The following HHIP variants were observed in gnomAD, a reference collection of about 807,000 sequenced individuals.
HHIP encodes the protein hedgehog-interacting protein.
Under a neutral mutation model 74.0 loss-of-function variants are expected in HHIP, and 12 were observed. The observed-to-expected ratio is 0.16, with a 90% CI of 0.10 to 0.26. The LOEUF (loss-of-function observed/expected upper bound fraction) is 0.26. Ranked by LOEUF, HHIP falls within the 10% of genes least tolerant of loss-of-function variation. The pLI, the probability that HHIP is intolerant of heterozygous loss-of-function variation, is 1.00. For missense variants in HHIP, 788 were observed against 845.0 expected (o/e 0.93, Z 0.84); for synonymous variants, 309 against 311.6 (o/e 0.99, Z 0.09).
At chr4:144,729,964 C>G (rs540010158) in intron 11 of HHIP, among the ~76,000 whole-genome samples, 2 of 152,260 alleles carry the variant, frequency 1.3e-5, no homozygotes, top group African/African-American at 4.8e-5. Context: ...GGGTAGTCCT[C>G]CTCAGACAGG....
chr4:144,716,880 A>AAAAAAAAG, intron 10 of HHIP, among the ~76,000 whole-genome samples: 1 of 148,642 alleles, frequency 6.7e-6, no homozygotes, highest in Non-Finnish European at 1.5e-5. Context: ...AAAAAAAAAA[A>AAAAAAAAG]AAAAAAAAGT....
intron 2 of HHIP, among the ~76,000 whole-genome samples, chr4:144,654,397 G>A (rs1422754828): frequency 2.4e-4 from 37 of 152,118 alleles, no homozygotes; most frequent in Non-Finnish European, 4.4e-5. Flanking sequence ...AGGCTGCTTT[G>A]AAAGATAACC....
chr4:144,697,051 A>T (rs749232727), intron 4 of HHIP, among the ~76,000 whole-genome samples: 2 of 151,826 alleles, frequency 1.3e-5, no homozygotes, highest in Non-Finnish European at 2.9e-5. Flanking sequence ...ATTTTTTTTA[A>T]ATTTTTTGTT....
At chr4:144,657,156 T>G (rs1728580591) in intron 2 of HHIP, among the ~76,000 whole-genome samples, 1 of 152,142 alleles carries the variant, frequency 6.6e-6, no homozygotes. Context: ...CACTCAAAAG[T>G]TAGGTCAAAA....
chr4:144,706,284 A>G (rs1251543485), intron 4 of HHIP, among the ~76,000 whole-genome samples: 1 of 152,210 alleles, frequency 6.6e-6, no homozygotes, highest in Non-Finnish European at 1.5e-5. Context: ...ATCACTTGAC[A>G]AAAGTGGTGT....
At chr4:144,727,734 T>C (rs1298686139) in intron 11 of HHIP, among the ~76,000 whole-genome samples, 1 of 152,140 alleles carries the variant, frequency 6.6e-6, no homozygotes, top group Non-Finnish European at 1.5e-5. Flanking sequence ...ATATATGCAT[T>C]GAGTTAAGTT....
At chr4:144,702,073 A>G (rs1730002200) in intron 4 of HHIP, among the ~76,000 whole-genome samples, 1 of 152,142 alleles carries the variant, frequency 6.6e-6, no homozygotes, top group Non-Finnish European at 1.5e-5. Flanking sequence ...GGATCACTTG[A>G]GCCCAGAAGT....
intron 2 of HHIP, among the ~76,000 whole-genome samples, chr4:144,656,793 A>T (rs1728569631): frequency 6.6e-6 from 1 of 152,070 alleles, no homozygotes; most frequent in African/African-American, 2.4e-5. Flanking sequence ...TTGATTTAAC[A>T]ATTTAGTTTT....
In HHIP at chr4:144,744,809, G is replaced by C. The variant is rs932115942; in HGVS notation, c.*6852G>C. 2.0e-5 allele frequency: 3 copies of C among 152,120 alleles called. No homozygotes were observed. Among genetic ancestry groups the C allele is most frequent in the African/African-American group, 7.2e-5 (3 of 41,408 alleles). The allele number at this position is 152,120 out of a possible 1,614,324, so 9.4% of individuals were successfully genotyped here. ...ATTGTGGGCCCAATCGGCATCATAAGCATGTCTGAAGCAAAAGACAATAAT... is the reference window on the plus strand; with the variant it reads ...ATTGTGGGCCCAATCGGCATCATAACCATGTCTGAAGCAAAAGACAATAAT... On this transcript the variant is annotated 3_prime_UTR_variant, in exon 13 of 13. Transcript: ENST00000296575.
intron 12 of HHIP, 55 bp downstream of exon 12, chr4:144,734,944 A>G: frequency 6.8e-7 from 1 of 1,476,940 alleles, no homozygotes; most frequent in Non-Finnish European, 9.3e-7. Context: ...ATCCTTAGGT[A>G]CTCAAGAACT....
Position 144,714,366 on chromosome 4 carries a change from A to C in HHIP, c.1547+18A>C. On this transcript the variant is annotated intron_variant, in intron 9 of 12. Transcript: ENST00000296575. ...CGTAATGGGTAGGTTTCCTGATACCACAACAGTATGATATACCAAATGACA... is the reference window on the plus strand; with the variant it reads ...CGTAATGGGTAGGTTTCCTGATACCCCAACAGTATGATATACCAAATGACA... 6.2e-7 allele frequency: 1 copy of C among 1,612,580 alleles called. No individual in the cohort carries two copies. Among genetic ancestry groups the C allele is most frequent in the South Asian group, 1.1e-5 (1 of 91,008 alleles).
intron 4 of HHIP, among the ~76,000 whole-genome samples, chr4:144,686,873 A>G (rs1381521386): frequency 6.6e-6 from 1 of 151,878 alleles, no homozygotes; most frequent in African/African-American, 2.4e-5. Flanking sequence ...ACAGTCACAG[A>G]GACAAATATG....
chr4:144,710,113 G>A (rs760011901), intron 7 of HHIP, among the ~76,000 whole-genome samples: 1 of 152,172 alleles, frequency 6.6e-6, no homozygotes, highest in Non-Finnish European at 1.5e-5. Context: ...GCAGTTCTTA[G>A]TGGACCTGGT....
Position 144,714,802 on chromosome 4 carries a change from T to C in HHIP, c.1547+454T>C, listed in dbSNP as rs375923111. Among the ~76,000 whole-genome samples the C allele has an allele frequency of 1.3e-4, 20 of 152,292 alleles. No individual in the cohort carries two copies. The South Asian group carries it at 3.7e-3, about 28-fold the overall frequency. On this transcript the variant is annotated intron_variant, in intron 9 of 12. Coordinates refer to ENST00000296575, the MANE Select transcript of HHIP (RefSeq NM_022475.3). ...CTCTATAAGTAGGAATAATACAAAATTAAATTTTAGTCTCAATTTTCAAGG... is the reference window on the plus strand; with the variant it reads ...CTCTATAAGTAGGAATAATACAAAACTAAATTTTAGTCTCAATTTTCAAGG...
Position 144,646,969 on chromosome 4 carries a change from G to A in HHIP, c.279+15G>A. 1 of 1,581,554 alleles carries A rather than the reference G, an allele frequency of 6.3e-7. No individual in the cohort carries two copies. The highest frequency in any genetic ancestry group is 8.6e-7 in the Non-Finnish European group (1 of 1,162,582). Reference sequence around the variant, plus strand: ...TGGAGAATAAGGTAGGCACTCACCGGCTTCACGGATGCGTACTTGGCATAT... The same window carrying A: ...TGGAGAATAAGGTAGGCACTCACCGACTTCACGGATGCGTACTTGGCATAT... On this transcript the variant is annotated intron_variant, in intron 1 of 12. Coordinates refer to ENST00000296575, the MANE Select transcript of HHIP (RefSeq NM_022475.3).
chr4:144,664,490 T>G (rs990718365), intron 4 of HHIP, among the ~76,000 whole-genome samples: 2 of 152,320 alleles, frequency 1.3e-5, no homozygotes, highest in Non-Finnish European at 2.9e-5. Flanking sequence ...CCTTTTTACA[T>G]TTTTTTCTTT....
At position 144,659,852 on chromosome 4, in the gene HHIP, AT is replaced by A; in HGVS notation, c.831+18del. ...AGTGGAATAAAGGTTGGCTTTTTAA[AT>A]TTTATTTATTTTTGTGCTGGCTACG... On this transcript the variant is annotated intron_variant, in intron 4 of 12. Coordinates refer to ENST00000296575, the MANE Select transcript of HHIP (RefSeq NM_022475.3). 6.3e-7 allele frequency: 1 copy of A among 1,584,132 alleles called. No homozygotes were observed. Among genetic ancestry groups the A allele is most frequent in the Non-Finnish European group, 8.7e-7 (1 of 1,154,792 alleles).
intron 4 of HHIP, among the ~76,000 whole-genome samples, chr4:144,664,488 C>T: frequency 6.6e-6 from 1 of 152,204 alleles, no homozygotes; most frequent in Non-Finnish European, 1.5e-5. Context: ...AACCTTTTTA[C>T]ATTTTTTTCT....
intron 4 of HHIP, among the ~76,000 whole-genome samples, chr4:144,679,326 T>C (rs1729269456): frequency 6.6e-6 from 1 of 152,160 alleles, no homozygotes; most frequent in Non-Finnish European, 1.5e-5. Context: ...GTTCTGTAGG[T>C]TGCCTGTTCT....
Sources: gnomAD v4.1 joint callset for allele counts (sites outside exome capture counted in the v4.1 genomes callset) on GRCh38, gnomAD v4.1.1 for gene constraint, MANE v1.5 for transcripts, NCBI Gene and HGNC (gene_info 2026-07-23, HGNC 2026-07-21) for gene names.